The following PLXNB2 variants were observed in gnomAD, a reference collection of about 807,000 sequenced individuals.
PLXNB2 encodes the protein plexin B2, also known as plexin-B2.
PLXNB2 carries 85 observed loss-of-function variants against 202.6 expected under a neutral mutation model. The ratio of observed to expected loss-of-function variants is 0.42; its 90% CI spans 0.35 to 0.50. The LOEUF (loss-of-function observed/expected upper bound fraction) is 0.50, where lower values mean the gene tolerates loss of function less well. Among genes scored for constraint, PLXNB2 ranks in the 20% least tolerant of loss-of-function variants. The pLI is 0.02. For synonymous variants in PLXNB2, 1,239 were observed against 1,137.6 expected (o/e 1.09, Z -1.79); for missense variants, 2,063 against 2,586.2 (o/e 0.80, Z 4.39).
At chr22:50,300,233 C>A in intron 1 of PLXNB2, 1 of 978,270 alleles carries the variant, frequency 1.0e-6, no homozygotes, top group Non-Finnish European at 1.2e-6. Context: ...GCGGCGGCGA[C>A]AGTCACACGA....
intron 26 of PLXNB2, 34 bp from the exon 27 acceptor site, chr22:50,279,810 G>C (rs1167688597): frequency 6.2e-7 from 1 of 1,611,814 alleles, no homozygotes; most frequent in Non-Finnish European, 8.5e-7. Flanking sequence ...TGGGAGGTCA[G>C]GGGACTTGGG....
At chr22:50,302,636 A>G (rs1377405170) in intron 1 of PLXNB2, among the ~76,000 whole-genome samples, 1 of 152,122 alleles carries the variant, frequency 6.6e-6, no homozygotes, top group Non-Finnish European at 1.5e-5. Context: ...TGGTCACCAG[A>G]TCAGGCTCGG....
Position 50,290,248 on chromosome 22 carries a change from C to T in PLXNB2, c.337G>A (p.Gly113Ser), listed in dbSNP as rs1474555294. The T allele has an allele frequency of 3.1e-6, 5 of 1,611,856 alleles. No individual in the cohort carries two copies. Among genetic ancestry groups the T allele is most frequent in the African/African-American group, 1.3e-5 (1 of 75,066 alleles). The change falls in exon 3 of 37, where the codon GGC (glycine) becomes AGC (serine). Residue 113 changes from glycine to serine, a missense_variant. Around this residue, in one of 2 missense-constraint regions of PLXNB2, gnomAD observed 1,303 missense variants for 1,476.8 expected, o/e 0.88. Coordinates refer to ENST00000359337, the MANE Select transcript of PLXNB2 (RefSeq NM_012401.4). The part of the protein sequence containing the change: ...DPPRKRLVEC[G>S]SLFKGICALR... ...GCGCAGATGCCCTTGAAGAGGCTGC[C>T]GCACTCCACCAGGCGCTTCCTGGGA... is the stretch of plus-strand genomic sequence containing the variant.
chr22:50,281,288 G>T lies in PLXNB2; in HGVS notation c.3662+72C>A, dbSNP rs1406126616. ...ACACGCCTGCCTGTGCAGGGCGGCGGATGAGGCCAGAGGGGCCGAGGCGGG... is the reference window on the plus strand; with the variant it reads ...ACACGCCTGCCTGTGCAGGGCGGCGTATGAGGCCAGAGGGGCCGAGGCGGG... On this transcript the variant is annotated intron_variant, in intron 22 of 36. Coordinates refer to ENST00000359337, the MANE Select transcript of PLXNB2 (RefSeq NM_012401.4). 43 of 1,585,868 alleles carry T rather than the reference G, an allele frequency of 2.7e-5. No homozygotes were observed. In the Admixed American group the frequency reaches 7.3e-4, roughly 27 times the overall value.
intron 1 of PLXNB2, among the ~76,000 whole-genome samples, chr22:50,299,694 G>A (rs978294693): frequency 2.6e-5 from 4 of 152,096 alleles, no homozygotes; most frequent in Non-Finnish European, 5.9e-5. Flanking sequence ...GGGACTGGGT[G>A]GAGAGCGCGC....
chr22:50,277,187 G>T (rs1318609635), intron 33 of PLXNB2, among the ~76,000 whole-genome samples: 1 of 152,032 alleles, frequency 6.6e-6, no homozygotes, highest in African/African-American at 2.4e-5. Context: ...TGTAGTCCCA[G>T]CTACTCAGGA....
In PLXNB2 at chr22:50,287,103, G is replaced by C; in HGVS notation, c.1762+8C>G. ...AGGGCCACCCGGGGGCTCGGGAAGG[G>C]GCCTCACCCTGGCCTGGCGGTGTGA... On this transcript the variant is annotated splice_region_variant and intron_variant, in intron 8 of 36. Transcript: ENST00000359337. 2 of 1,503,638 alleles carry C rather than the reference G, an allele frequency of 1.3e-6. No homozygotes were observed. Among genetic ancestry groups the C allele is most frequent in the Non-Finnish European group, 1.8e-6 (2 of 1,121,884 alleles). 93.1% of individuals were successfully genotyped at this position (1,503,638 alleles called of 1,614,324 possible). A position where few individuals can be genotyped will look rare whatever the true frequency, so the allele number is the denominator to read the frequency against.
In PLXNB2 at chr22:50,281,015, C is replaced by A. The variant is rs372031445; in HGVS notation, c.3764-42G>T. The A allele has an allele frequency of 6.9e-6, 11 of 1,593,728 alleles. No individual in the cohort carries two copies. The African/African-American group carries it at 1.2e-4, about 17-fold the overall frequency. On this transcript the variant is annotated intron_variant, in intron 23 of 36. Coordinates refer to ENST00000359337, the MANE Select transcript of PLXNB2 (RefSeq NM_012401.4). ...GTGAGACGTCCCTGGCCACGTGGGGCCCTGACCCCCACGCTACACACAGCA... is the reference window on the plus strand; with the variant it reads ...GTGAGACGTCCCTGGCCACGTGGGGACCTGACCCCCACGCTACACACAGCA...
intron 1 of PLXNB2, among the ~76,000 whole-genome samples, chr22:50,295,815 C>G (rs73437463): frequency 6.6e-6 from 1 of 151,912 alleles, no homozygotes; most frequent in Non-Finnish European, 1.5e-5. Flanking sequence ...AAATAGTGGC[C>G]GGCTAAGGCT....
chr22:50,306,017 C>T (rs967804232), intron 1 of PLXNB2, among the ~76,000 whole-genome samples: 1 of 152,252 alleles, frequency 6.6e-6, no homozygotes, highest in Non-Finnish European at 1.5e-5. Flanking sequence ...CCGTCCTCCT[C>T]CTGGGGCCCT....
chr22:50,288,777 T>C lies in PLXNB2; in HGVS notation c.1346A>G (p.Asp449Gly). The C allele has an allele frequency of 6.2e-7, 1 of 1,612,902 alleles. No individual in the cohort carries two copies. Among genetic ancestry groups the C allele is most frequent in the Non-Finnish European group, 8.5e-7 (1 of 1,179,928 alleles). ...RVKRDLVLSG[D>G]LGSLYAMTQD... ...GGTCATGGCGTACAGGCTGCCCAGG[T>C]CTCCAGACAGTACCAGGTCGCGCTT... Residue 449 changes from aspartate (D) to glycine (G), a missense_variant, in exon 5 of 37, where the codon GAC (aspartate) becomes GGC (glycine). By Grantham distance (94) the Asp-to-Gly change is moderately conservative. This residue lies in a region of PLXNB2 where 1,303 missense variants were observed against 1,476.8 expected (regional missense o/e 0.88). Coordinates refer to ENST00000359337, the MANE Select transcript of PLXNB2 (RefSeq NM_012401.4). The surrounding 1 kb of genome is among the most constrained non-coding windows in gnomAD (Gnocchi z 5.0).
Position 50,282,244 on chromosome 22 carries a change from G to T in PLXNB2, c.3057C>A (p.Ile1019=). ...GCTGCCAGGACTGCAGGGGCTCCGC[G>T]ATGACCACCATGGCAAACCTCTGGA... ...SLIQRFAMVV[I]AEPLQSWQPP... Residue 1019 remains isoleucine (I), a synonymous_variant, in exon 19 of 37, where the codon ATC becomes ATA. Coordinates refer to ENST00000359337, the MANE Select transcript of PLXNB2 (RefSeq NM_012401.4). The T allele has an allele frequency of 6.2e-7, 1 of 1,612,356 alleles. No homozygotes were observed. The highest frequency in any genetic ancestry group is 8.5e-7 in the Non-Finnish European group (1 of 1,179,832).
chr22:50,277,450 C>A (rs765057101), intron 33 of PLXNB2, 141 bp downstream of exon 33: 11 of 848,826 alleles, frequency 1.3e-5, no homozygotes, highest in Non-Finnish European at 1.9e-5. Context: ...CCCCCAGCCT[C>A]CGCCACCCGT....
In PLXNB2 at chr22:50,282,221, T is replaced by C; in HGVS notation, c.3080A>G (p.Gln1027Arg). Residue 1027 changes from glutamine to arginine, a missense_variant, in exon 19 of 37, where the codon CAG becomes CGG. By Grantham distance (43) the Gln-to-Arg change is conservative. Around this residue, in one of 2 missense-constraint regions of PLXNB2, gnomAD observed 1,303 missense variants for 1,476.8 expected, o/e 0.88. Coordinates refer to ENST00000359337, the MANE Select transcript of PLXNB2 (RefSeq NM_012401.4). Reference protein sequence around the residue: ...VVIAEPLQSWQPPREAESLQP... With the variant: ...VVIAEPLQSWRPPREAESLQP... ...CAGGGATTCAGCCTCCCGCGGCGGC[T>C]GCCAGGACTGCAGGGGCTCCGCGAT... 1 of 1,611,990 alleles carries C rather than the reference T, an allele frequency of 6.2e-7. No homozygotes were observed. Among genetic ancestry groups the C allele is most frequent in the South Asian group, 1.1e-5 (1 of 91,022 alleles).
chr22:50,276,338 GTGGGC>G (rs1327020597), intron 35 of PLXNB2, among the ~76,000 whole-genome samples: 370 of 150,840 alleles, frequency 2.5e-3, no homozygotes, highest in South Asian at 3.6e-3. Context: ...AGGGGGCGCT[GTGGGC>G]ACGGCCGAGG....
chr22:50,283,210 G>C (rs372791351), intron 16 of PLXNB2, 24 bp from the exon 17 acceptor site: 1 of 1,598,924 alleles, frequency 6.3e-7, no homozygotes, highest in Non-Finnish European at 8.5e-7. Context: ...AGGGGCACTC[G>C]GGTGAGGACG....
chr22:50,278,220 G>C lies in PLXNB2; in HGVS notation c.4784C>G (p.Thr1595Ser). The C allele has an allele frequency of 2.5e-6, 4 of 1,609,958 alleles. No individual in the cohort carries two copies. Among genetic ancestry groups the C allele is most frequent in the Non-Finnish European group, 3.4e-6 (4 of 1,179,938 alleles). The change falls in exon 31 of 37, where the codon ACC becomes AGC. Residue 1595 changes from threonine to serine, a missense_variant. Physicochemically the swap from Thr to Ser is moderately conservative, Grantham distance 58. Coordinates refer to ENST00000359337, the MANE Select transcript of PLXNB2 (RefSeq NM_012401.4). ...GGACTTGCCCTCGTCCACCTCGTCG[G>C]TCGGCCGCACCAGGTGCCACACCCG... ...ENRVWHLVRP[T>S]DEVDEGKSKR...
rs372462522 is a variant in PLXNB2, at chr22:50,278,018, G to A, written c.4888-5C>T. On this transcript the variant is annotated splice_region_variant and splice_polypyrimidine_tract_variant and intron_variant, in intron 31 of 36. Coordinates refer to ENST00000359337, the MANE Select transcript of PLXNB2 (RefSeq NM_012401.4). The stretch of plus-strand genomic sequence containing the variant: ...CACAAACTGCTGCAGTGTGCCCTGT[G>A]GGGGGGAGGGTCTCAGCGTGACGCC... 1.9e-5 allele frequency: 30 copies of A among 1,607,096 alleles called. No homozygotes were observed. Among genetic ancestry groups the A allele is most frequent in the Non-Finnish European group, 2.6e-5 (30 of 1,176,264 alleles).
At chr22:50,280,291 G>A (rs1019514463) in intron 25 of PLXNB2, among the ~76,000 whole-genome samples, 198 bp downstream of exon 25, 1 of 152,186 alleles carries the variant, frequency 6.6e-6, no homozygotes, top group East Asian at 1.9e-4. Flanking sequence ...AGCTGAAACC[G>A]CTGGACAGGA....
Sources: gnomAD v4.1 joint callset for allele counts (sites outside exome capture counted in the v4.1 genomes callset) on GRCh38, gnomAD v4.1.1 for gene constraint, gnomAD v4.1.1 regional missense constraint, Gnocchi (gnomAD v3.1) non-coding constraint, MANE v1.5 for transcripts, NCBI Gene and HGNC (gene_info 2026-07-23, HGNC 2026-07-21) for gene names.